The following CRTAC1 variants were observed in gnomAD, a reference collection of about 807,000 sequenced individuals.
CRTAC1 encodes cartilage acidic protein 1, also known as acidic secreted protein in cartilage.
In CRTAC1, 37 loss-of-function variants were observed where a neutral mutation model predicts 67.8. The observed-to-expected ratio is 0.55, with a 90% CI of 0.42 to 0.72. The LOEUF (loss-of-function observed/expected upper bound fraction) is 0.72. CRTAC1 is among the 30% of genes least tolerant of loss of function. The pLI, the probability that CRTAC1 is intolerant of heterozygous loss-of-function variation, is 0.00. For synonymous variants in CRTAC1, 348 were observed against 371.0 expected (o/e 0.94, Z 0.71); for missense variants, 780 against 931.6 (o/e 0.84, Z 2.12).
At chr10:97,957,839 G>A (rs1197118858) in intron 2 of CRTAC1, among the ~76,000 whole-genome samples, 1 of 152,180 alleles carries the variant, frequency 6.6e-6, no homozygotes, top group Non-Finnish European at 1.5e-5. Flanking sequence ...GGAGTTGGGG[G>A]AGGAGATGGT....
intron 2 of CRTAC1, among the ~76,000 whole-genome samples, chr10:97,990,064 T>G (rs903940490): frequency 1.4e-4 from 22 of 152,340 alleles, no homozygotes; most frequent in African/African-American, 4.8e-4. Flanking sequence ...TTGAACACTT[T>G]CAGGTGTGAC....
At chr10:97,909,283 T>C (rs1017618708) in intron 5 of CRTAC1, among the ~76,000 whole-genome samples, 11 of 152,122 alleles carry the variant, frequency 7.2e-5, no homozygotes, top group African/African-American at 2.4e-4. Flanking sequence ...AAATCTGCCC[T>C]GAGAAAGCCT....
At chr10:97,981,599 T>A (rs1395937305) in intron 2 of CRTAC1, among the ~76,000 whole-genome samples, 1 of 152,238 alleles carries the variant, frequency 6.6e-6, no homozygotes, top group Non-Finnish European at 1.5e-5. Context: ...CAAATAGCCT[T>A]GCACATAATT....
intron 2 of CRTAC1, among the ~76,000 whole-genome samples, chr10:97,981,642 G>A (rs1221567632): frequency 6.6e-6 from 1 of 152,172 alleles, no homozygotes; most frequent in East Asian, 1.9e-4. Flanking sequence ...ATTTTGCTAG[G>A]ACAAAGTTAT....
rs201315918 is a variant in CRTAC1 at position 97,901,851 on chromosome 10, C to T, written c.997-212G>A. Among the ~76,000 whole-genome samples, 29 of 152,328 alleles carry T rather than the reference C, an allele frequency of 1.9e-4. No individual in the cohort carries two copies. The East Asian group carries it at 2.3e-3, about 12-fold the overall frequency. On this transcript the variant is annotated intron_variant, in intron 7 of 14. Transcript: ENST00000370597. ...AGAAGAAGGAGGGAAGAATAACAGT[C>T]GTGCTAGACACCAGTGAAGTGCTTA...
At position 97,924,336 on chromosome 10, in the gene CRTAC1, T is replaced by C. The variant is rs552964518; in HGVS notation, c.422-936A>G. 1.1e-4 allele frequency among the ~76,000 whole-genome samples: 17 copies of C among 152,306 alleles called. No homozygotes were observed. The South Asian group carries it at 3.3e-3, about 30-fold the overall frequency. ...TTAGGGGGGTCCTCGTTCTACCCCC[T>C]GGGCTGGACAGGAAACACAGGGAGA... On this transcript the variant is annotated intron_variant, in intron 3 of 14. Transcript: ENST00000370597.
At position 97,904,883 on chromosome 10, in the gene CRTAC1, T is replaced by C. The variant is rs1018980096; in HGVS notation, c.851-69A>G. On this transcript the variant is annotated intron_variant, in intron 6 of 14. Coordinates refer to ENST00000370597, the MANE Select transcript of CRTAC1 (RefSeq NM_018058.7). ...CACTCCACAAACACTCACCCTGCTC[T>C]AGCTCTGTGACAAGCAACTAGGGAG... is the stretch of plus-strand genomic sequence containing the variant. The C allele has an allele frequency of 4.0e-5, 59 of 1,469,910 alleles. No individual in the cohort carries two copies. In the African/African-American group the frequency reaches 6.7e-4, roughly 17 times the overall value. The allele number at this position is 1,469,910 out of a possible 1,614,324, so 91.1% of individuals were successfully genotyped here.
At chr10:97,997,451 CA>C (rs746635057) in intron 2 of CRTAC1, among the ~76,000 whole-genome samples, 2,911 of 48,330 alleles carry the variant, frequency 0.06, 41 homozygotes, top group African/African-American at 0.18. Context: ...GACTCTGTCT[CA>C]AAAAAAAAAA....
intron 3 of CRTAC1, among the ~76,000 whole-genome samples, chr10:97,925,091 C>A (rs148537445): frequency 6.6e-6 from 1 of 152,120 alleles, no homozygotes; most frequent in African/African-American, 2.4e-5. Flanking sequence ...CATAGCAAGA[C>A]CCCATCTTTA....
At chr10:98,019,962 G>A (rs1306352336) in intron 1 of CRTAC1, among the ~76,000 whole-genome samples, 2 of 152,208 alleles carry the variant, frequency 1.3e-5, no homozygotes, top group East Asian at 3.9e-4. Context: ...CACTCAGCCT[G>A]GAAATCTGGC....
chr10:98,012,320 A>C (rs989574085), intron 1 of CRTAC1, among the ~76,000 whole-genome samples: 1 of 152,080 alleles, frequency 6.6e-6, no homozygotes, highest in African/African-American at 2.4e-5. Context: ...ACCCCCCTTG[A>C]GTGAAAGCAA....
intron 2 of CRTAC1, among the ~76,000 whole-genome samples, chr10:98,008,348 T>G (rs1842835380): frequency 7.2e-6 from 1 of 138,468 alleles, no homozygotes; most frequent in East Asian, 2.3e-4. Flanking sequence ...CCTCCTTTAG[T>G]GGGTGTGCTT....
In CRTAC1 at chr10:97,895,519, G is replaced by T; in HGVS notation, c.1318-106C>A. Reference sequence around the variant, plus strand: ...GGGGGAGAGGGAGAAGAAGGAGGAAGAGAAGAAAGCAGGCAGAGGAAAAAG... The same window carrying T: ...GGGGGAGAGGGAGAAGAAGGAGGAATAGAAGAAAGCAGGCAGAGGAAAAAG... On this transcript the variant is annotated intron_variant, in intron 10 of 14. Transcript: ENST00000370597. This position sits in a 1 kb window ranked among gnomAD's most constrained non-coding sequence, Gnocchi z 4.2. 9.8e-7 allele frequency: 1 copy of T among 1,020,410 alleles called. No individual in the cohort carries two copies. Among genetic ancestry groups the T allele is most frequent in the Non-Finnish European group, 1.4e-6 (1 of 700,072 alleles). 63.2% of individuals were successfully genotyped at this position (1,020,410 alleles called of 1,614,324 possible).
intron 4 of CRTAC1, among the ~76,000 whole-genome samples, chr10:97,919,786 T>TTTTTTTTTTA (rs1336485949): frequency 6.6e-6 from 1 of 150,470 alleles, no homozygotes; most frequent in African/African-American, 2.5e-5. Flanking sequence ...TTTTTTTTTT[T>TTTTTTTTTTA]AAGACAGGGT....
chr10:97,890,306 G>A (rs2136549478), intron 11 of CRTAC1, among the ~76,000 whole-genome samples: 2 of 152,000 alleles, frequency 1.3e-5, no homozygotes. Flanking sequence ...GGGGGGTCTC[G>A]CCATGTTGCC....
chr10:98,007,614 C>G (rs897041579), intron 2 of CRTAC1, among the ~76,000 whole-genome samples: 2 of 152,140 alleles, frequency 1.3e-5, no homozygotes, highest in African/African-American at 4.8e-5. Context: ...CATCCAGCAG[C>G]CTAAGCTTTC....
intron 5 of CRTAC1, among the ~76,000 whole-genome samples, chr10:97,917,096 G>A (rs561840330): frequency 2.4e-4 from 37 of 152,308 alleles, no homozygotes; most frequent in Non-Finnish European, 1.9e-4. Context: ...TTTCATCTGC[G>A]ATTTGGCAAT....
At chr10:97,993,475 T>A (rs564218083) in intron 2 of CRTAC1, among the ~76,000 whole-genome samples, 1 of 152,222 alleles carries the variant, frequency 6.6e-6, no homozygotes, top group African/African-American at 2.4e-5. Flanking sequence ...TTTCCATATA[T>A]GCCTTATCTC....
intron 3 of CRTAC1, among the ~76,000 whole-genome samples, chr10:97,932,258 A>G (rs2051014463): frequency 6.6e-6 from 1 of 152,226 alleles, no homozygotes; most frequent in African/African-American, 2.4e-5. Context: ...CTTCAGAGCC[A>G]CAGGACTAGA....
Sources: gnomAD v4.1 joint callset for allele counts (sites outside exome capture counted in the v4.1 genomes callset) on GRCh38, gnomAD v4.1.1 for gene constraint, Gnocchi (gnomAD v3.1) non-coding constraint, MANE v1.5 for transcripts, NCBI Gene and HGNC (gene_info 2026-07-23, HGNC 2026-07-21) for gene names.